Variants in TENM3 observed in about 807,000 individuals in gnomAD.
The protein encoded by TENM3 is teneurin-3.
TENM3 carries 63 observed loss-of-function variants against 255.1 expected under a neutral mutation model. The observed-to-expected ratio is 0.25, with a 90% confidence interval of 0.20 to 0.30. The LOEUF (loss-of-function observed/expected upper bound fraction) is 0.30, where lower values mean the gene tolerates loss of function less well. TENM3 is among the 10% of genes least tolerant of loss of function. The pLI, the probability that TENM3 is intolerant of heterozygous loss-of-function variation, is 1.00. For missense variants in TENM3, 2,929 were observed against 3,461.1 expected (o/e 0.85, Z 3.86); for synonymous variants, 1,306 against 1,322.3 (o/e 0.99, Z 0.27).
chr4:181,585,759 C>T, the TENM3 span, among the ~76,000 whole-genome samples: 1 of 152,156 alleles, frequency 6.6e-6, no homozygotes, highest in Non-Finnish European at 1.5e-5. Context: ...CTATAATCGA[C>T]TCTCAACCAA....
chr4:182,142,646 C>G (rs558882637), upstream of TENM3: 53 of 167,434 alleles, frequency 3.2e-4, no homozygotes, highest in African/African-American at 1.2e-3. Context: ...GCTGGCGCGA[C>G]GAGGCTGAGA....
chr4:181,923,645 G>C, the TENM3 span, among the ~76,000 whole-genome samples: 1 of 152,040 alleles, frequency 6.6e-6, no homozygotes, highest in South Asian at 2.1e-4. Context: ...ATTTCATTAA[G>C]GGCACAATTT....
Position 182,775,126 on chromosome 4 carries a change from A to G in TENM3, c.5277A>G (p.Lys1759=), listed in dbSNP as rs749690518. Reference sequence around the variant, plus strand: ...TCCGAAAAGAGCAAGCCCAAGGGAAAGTCAATGTCTTTGGCCGCAAGCTCA... The same window carrying G: ...TCCGAAAAGAGCAAGCCCAAGGGAAGGTCAATGTCTTTGGCCGCAAGCTCA... ...WRFRKEQAQG[K]VNVFGRKLRV... Residue 1759 remains lysine, a synonymous_variant, in exon 24 of 28, where the codon AAA becomes AAG. Coordinates refer to ENST00000511685, the MANE Select transcript of TENM3 (RefSeq NM_001080477.4). 4 of 1,614,042 alleles carry G rather than the reference A, an allele frequency of 2.5e-6. No individual in the cohort carries two copies. Among genetic ancestry groups the G allele is most frequent in the Non-Finnish European group, 3.4e-6 (4 of 1,179,906 alleles).
At chr4:182,747,811 A>C (rs1762112606) in intron 19 of TENM3, among the ~76,000 whole-genome samples, 1 of 152,220 alleles carries the variant, frequency 6.6e-6, no homozygotes, top group Non-Finnish European at 1.5e-5. Context: ...TAATATTTAA[A>C]AATCAAGCAG....
At chr4:182,073,753 C>T in the TENM3 span, among the ~76,000 whole-genome samples, 1 of 152,124 alleles carries the variant, frequency 6.6e-6, no homozygotes, top group African/African-American at 2.4e-5. Context: ...TCAGTCTTGC[C>T]CCATCTCAGT....
intron 4 of TENM3, among the ~76,000 whole-genome samples, chr4:182,621,834 TGTG>T (rs1750306436): frequency 7.7e-6 from 1 of 130,150 alleles, no homozygotes; most frequent in Non-Finnish European, 1.6e-5. Flanking sequence ...ATTAGCCAGA[TGTG>T]GTGGTGCACA....
chr4:182,096,622 C>T, the TENM3 span, among the ~76,000 whole-genome samples: 1 of 152,106 alleles, frequency 6.6e-6, no homozygotes, highest in Non-Finnish European at 1.5e-5. Flanking sequence ...TACCATCCTG[C>T]CAAAAATCAT....
chr4:181,772,988 G>T, the TENM3 span, among the ~76,000 whole-genome samples: 36 of 152,174 alleles, frequency 2.4e-4, 1 homozygote, highest in African/African-American at 7.5e-4. Flanking sequence ...TAGAGACATA[G>T]GGCACCCCCC....
chr4:182,303,561 A>G (rs1023118402), intron 1 of TENM3, among the ~76,000 whole-genome samples: 3 of 152,174 alleles, frequency 2.0e-5, no homozygotes, highest in Non-Finnish European at 2.9e-5. Flanking sequence ...TCATTGTCCA[A>G]TGTATACATT....
At chr4:182,722,964 G>A (rs562509271) in intron 13 of TENM3, among the ~76,000 whole-genome samples, 1 of 152,356 alleles carries the variant, frequency 6.6e-6, no homozygotes, top group South Asian at 2.1e-4. Flanking sequence ...ATGAGAAGCT[G>A]AGCGGGGTGG....
chr4:181,819,082 C>T, the TENM3 span, among the ~76,000 whole-genome samples: 101 of 152,276 alleles, frequency 6.6e-4, 1 homozygote, highest in African/African-American at 2.3e-3. Flanking sequence ...AGGTGAGCCC[C>T]GAAGGACCTC....
intron 1 of TENM3, among the ~76,000 whole-genome samples, chr4:182,176,796 G>T (rs2149718054): frequency 6.6e-6 from 1 of 150,496 alleles, no homozygotes; most frequent in South Asian, 2.1e-4. Context: ...TGAGTAGCTG[G>T]GACTACTAAA....
chr4:181,771,575 G>A, the TENM3 span, among the ~76,000 whole-genome samples: 1 of 152,208 alleles, frequency 6.6e-6, no homozygotes, highest in Non-Finnish European at 1.5e-5. Context: ...CTTGTCCTCA[G>A]AGATGCCCGG....
At chr4:182,448,335 C>G (rs1773105325) in intron 3 of TENM3, among the ~76,000 whole-genome samples, 1 of 152,158 alleles carries the variant, frequency 6.6e-6, no homozygotes, top group African/African-American at 2.4e-5. Flanking sequence ...CCCTTCGCTG[C>G]GGACGCCCCG....
intron 24 of TENM3, among the ~76,000 whole-genome samples, chr4:182,781,483 ATCAATGT>A (rs1176484697): frequency 1.3e-5 from 2 of 151,894 alleles, no homozygotes; most frequent in Non-Finnish European, 1.5e-5. Context: ...GGATTTTTGC[ATCAATGT>A]TCATCAAGGA....
chr4:182,024,420 GTTGT>G, the TENM3 span, among the ~76,000 whole-genome samples: 1 of 151,994 alleles, frequency 6.6e-6, no homozygotes, highest in South Asian at 2.1e-4. Context: ...AATCTGGTTG[GTTGT>G]TTGTTTACAT....
At chr4:182,785,277 G>A (rs1680887383) in intron 24 of TENM3, among the ~76,000 whole-genome samples, 3 of 151,754 alleles carry the variant, frequency 2.0e-5, no homozygotes, top group Admixed American at 2.0e-4. Context: ...TCACCATGTT[G>A]CCCAGGCTGG....
At chr4:181,857,548 C>A in the TENM3 span, among the ~76,000 whole-genome samples, 546 of 31,802 alleles carry the variant, frequency 0.017, 8 homozygotes, top group African/African-American at 0.059. Flanking sequence ...AACCCTGTCT[C>A]TACAAAAAAA....
the TENM3 span, among the ~76,000 whole-genome samples, chr4:181,939,670 T>C: frequency 2.0e-5 from 3 of 152,238 alleles, no homozygotes; most frequent in African/African-American, 7.2e-5. Context: ...AGGGGAAGAA[T>C]GTGTCTATTG....
Sources: allele counts gnomAD v4.1 joint callset (sites outside exome capture counted in the v4.1 genomes callset), GRCh38; gene constraint gnomAD v4.1.1; transcripts MANE v1.5; gene names NCBI Gene and HGNC (gene_info 2026-07-23, HGNC 2026-07-21).